The following MECOM variants were observed in gnomAD, a reference collection of about 807,000 sequenced individuals.
MECOM encodes histone-lysine N-methyltransferase MECOM.
In MECOM, 13 loss-of-function variants were observed where a neutral mutation model predicts 116.3. The observed-to-expected ratio is 0.11, with a 90% CI of 0.07 to 0.18. The LOEUF (loss-of-function observed/expected upper bound fraction) is 0.18, where lower values mean the gene tolerates loss of function less well. Among genes scored for constraint, MECOM ranks in the 10% least tolerant of loss-of-function variants. The pLI, the probability that MECOM is intolerant of heterozygous loss-of-function variation, is 1.00. For synonymous variants in MECOM, 528 were observed against 535.2 expected (o/e 0.99, Z 0.19); for missense variants, 1,299 against 1,509.0 (o/e 0.86, Z 2.31).
At chr3:169,472,538 G>GAAAAGA (rs1749566806) in intron 1 of MECOM, among the ~76,000 whole-genome samples, 1 of 48,698 alleles carries the variant, frequency 2.1e-5, no homozygotes, top group Non-Finnish European at 3.9e-5. Flanking sequence ...AAAAGAAAAG[G>GAAAAGA]AAAGGAAAGG....
At chr3:169,092,124 A>G (rs1339527642) in intron 14 of MECOM, among the ~76,000 whole-genome samples, 1 of 152,100 alleles carries the variant, frequency 6.6e-6, no homozygotes, top group Admixed American at 6.6e-5. Flanking sequence ...AGTGCTGGGT[A>G]ACTGTTAAGT....
intron 1 of MECOM, among the ~76,000 whole-genome samples, chr3:169,544,158 C>T (rs1460577000): frequency 1.3e-5 from 2 of 152,134 alleles, no homozygotes; most frequent in East Asian, 3.9e-4. Context: ...CATAGTTTGA[C>T]TATTTTGAGT....
intron 2 of MECOM, among the ~76,000 whole-genome samples, chr3:169,296,192 A>T (rs1399208554): frequency 2.6e-5 from 4 of 152,062 alleles, no homozygotes; most frequent in African/African-American, 9.7e-5. Context: ...TTCCCCCTCC[A>T]GCTATGGGAC....
chr3:169,279,881 CA>C (rs984255572), intron 2 of MECOM, among the ~76,000 whole-genome samples: 1 of 152,154 alleles, frequency 6.6e-6, no homozygotes, highest in Non-Finnish European at 1.5e-5. Flanking sequence ...TCCCCAAAGG[CA>C]AAAGCTCTGC....
At chr3:169,109,908 A>G (rs1388090622) in intron 9 of MECOM, among the ~76,000 whole-genome samples, 1 of 152,164 alleles carries the variant, frequency 6.6e-6, no homozygotes, top group Admixed American at 6.5e-5. Context: ...TTGTAAAACC[A>G]GACTTGCCCA....
chr3:169,178,530 G>T (rs1483229867), intron 2 of MECOM, among the ~76,000 whole-genome samples: 1 of 152,158 alleles, frequency 6.6e-6, no homozygotes, highest in Non-Finnish European at 1.5e-5. Flanking sequence ...ACAATGTATA[G>T]CCAGCTAAGA....
At chr3:169,417,052 G>T (rs563612562) in intron 1 of MECOM, among the ~76,000 whole-genome samples, 1 of 151,896 alleles carries the variant, frequency 6.6e-6, no homozygotes, top group Admixed American at 6.6e-5. Flanking sequence ...CGTGGGCAAG[G>T]ACTTCATGTC....
At chr3:169,624,705 G>C (rs1771145406) in intron 1 of MECOM, among the ~76,000 whole-genome samples, 1 of 152,160 alleles carries the variant, frequency 6.6e-6, no homozygotes, top group Non-Finnish European at 1.5e-5. Context: ...CCTGGTCATT[G>C]TTATTCACCC....
chr3:169,184,456 C>T (rs932735795), intron 2 of MECOM, among the ~76,000 whole-genome samples: 2 of 152,112 alleles, frequency 1.3e-5, no homozygotes, highest in Admixed American at 1.3e-4. Context: ...TCACGGAGGG[C>T]CATGTATATC....
At chr3:169,418,821 T>G (rs184634482) in intron 1 of MECOM, among the ~76,000 whole-genome samples, 2 of 152,102 alleles carry the variant, frequency 1.3e-5, no homozygotes, top group Non-Finnish European at 2.9e-5. Flanking sequence ...GAAGCATTCC[T>G]TTTGAAAACC....
chr3:169,561,776 C>T (rs149933762), intron 1 of MECOM, among the ~76,000 whole-genome samples: 2 of 152,212 alleles, frequency 1.3e-5, no homozygotes, highest in Non-Finnish European at 1.5e-5. Context: ...CAACTGAATG[C>T]GTATTTGCAG....
rs1723748817 is a variant in MECOM at position 169,102,083 on chromosome 3, C to G, written c.2748G>C (p.Lys916Asn). ...PNALPENLLR[K>N]GKERYTCRYC... ...ACCTGCAGGTATAGCGCTCCTTTCC[C>G]TTCCGCAGAAGGTTCTCTGGCAGGG... is the stretch of plus-strand genomic sequence containing the variant. Residue 916 changes from lysine to asparagine, a missense_variant, in exon 11 of 17, where the codon AAG becomes AAC. This residue lies in a region of MECOM where 340 missense variants were observed against 312.6 expected (regional missense o/e 1.09). Transcript: ENST00000651503. 1.2e-6 allele frequency: 2 copies of G among 1,613,080 alleles called. No homozygotes were observed. Among genetic ancestry groups the G allele is most frequent in the African/African-American group, 2.7e-5 (2 of 74,884 alleles).
At chr3:169,275,561 T>A (rs1435774055) in intron 2 of MECOM, among the ~76,000 whole-genome samples, 2 of 152,240 alleles carry the variant, frequency 1.3e-5, no homozygotes, top group African/African-American at 2.4e-5. Context: ...AGTTTTCTAA[T>A]GATACGCAAA....
At chr3:169,236,986 C>A (rs11706512) in intron 2 of MECOM, among the ~76,000 whole-genome samples, 60,748 of 152,026 alleles carry the variant, frequency 0.4, 13,725 homozygotes, top group Middle Eastern at 0.57. Flanking sequence ...TCAACTGTGA[C>A]CTTTCACTTG....
intron 1 of MECOM, among the ~76,000 whole-genome samples, chr3:169,384,397 C>T (rs970801661): frequency 6.6e-6 from 1 of 152,226 alleles, no homozygotes; most frequent in South Asian, 2.1e-4. Flanking sequence ...GAGAAGTATA[C>T]TTTAAGGTCC....
chr3:169,395,990 A>T (rs184216230), intron 1 of MECOM, among the ~76,000 whole-genome samples: 4 of 152,320 alleles, frequency 2.6e-5, no homozygotes, highest in Admixed American at 2.6e-4. Flanking sequence ...AGCCTTAAGG[A>T]GTCCAGAAAC....
chr3:169,504,182 T>A (rs1481106247), intron 1 of MECOM, among the ~76,000 whole-genome samples: 1 of 140,934 alleles, frequency 7.1e-6, no homozygotes. Flanking sequence ...TGTGTGTGTG[T>A]GTGTGTGTGT....
At chr3:169,309,493 T>C (rs1447742323) in intron 2 of MECOM, among the ~76,000 whole-genome samples, 1 of 152,168 alleles carries the variant, frequency 6.6e-6, no homozygotes, top group Non-Finnish European at 1.5e-5. Flanking sequence ...CAATGACAAT[T>C]ACATATAGAG....
At chr3:169,288,073 C>T (rs1713725460) in intron 2 of MECOM, among the ~76,000 whole-genome samples, 2 of 152,154 alleles carry the variant, frequency 1.3e-5, no homozygotes, top group Non-Finnish European at 2.9e-5. Flanking sequence ...ACTGCTACCT[C>T]AGTGGTGATA....
Sources: allele counts gnomAD v4.1 joint callset (sites outside exome capture counted in the v4.1 genomes callset), GRCh38; gene constraint gnomAD v4.1.1; regional missense constraint gnomAD v4.1.1; transcripts MANE v1.5; gene names NCBI Gene and HGNC (gene_info 2026-07-23, HGNC 2026-07-21).